HDAC4: variants seen among roughly 807,000 people sequenced by gnomAD.
HDAC4 encodes the protein histone deacetylase 4, also known as histone deacetylase A.
In HDAC4, 16 loss-of-function variants were observed where a neutral mutation model predicts 135.1. The observed-to-expected ratio is 0.12, with a 90% CI of 0.08 to 0.18. The LOEUF is 0.18. HDAC4 is among the 10% of genes least tolerant of loss of function. The probability of loss-of-function intolerance (pLI) is 1.00; values close to 1 mark genes in which losing one functional copy is unlikely to be tolerated. For missense variants in HDAC4, 1,143 were observed against 1,511.8 expected, an observed-to-expected ratio of 0.76 and a Z score of 4.05; for synonymous variants, 685 against 653.4, an observed-to-expected ratio of 1.05 and a Z score of -0.74.
At chr2:239,148,683 C>T (rs1188325545) in intron 7 of HDAC4, among the ~76,000 whole-genome samples, 3 of 152,218 alleles carry the variant, frequency 2.0e-5, no homozygotes, top group South Asian at 2.1e-4. Context: ...GCTCCATGCA[C>T]GACTTCTCCA....
chr2:239,345,793 AC>A (rs544596443), intron 2 of HDAC4, among the ~76,000 whole-genome samples: 106 of 146,196 alleles, frequency 7.3e-4, no homozygotes, highest in African/African-American at 2.7e-3. Flanking sequence ...ACACACATAC[AC>A]ACCCTAACAC....
intron 3 of HDAC4, among the ~76,000 whole-genome samples, chr2:239,190,631 G>C (rs145613201): frequency 6.6e-6 from 1 of 152,192 alleles, no homozygotes; most frequent in Admixed American, 6.5e-5. Flanking sequence ...TTTCCATGGT[G>C]AGACAAGCGC....
chr2:239,199,229 G>A (rs2045601690), intron 3 of HDAC4, among the ~76,000 whole-genome samples: 3 of 152,002 alleles, frequency 2.0e-5, no homozygotes, highest in Admixed American at 6.6e-5. Context: ...AAAGCTGGGT[G>A]CTCACCGAGA....
intron 2 of HDAC4, among the ~76,000 whole-genome samples, chr2:239,268,668 T>A (rs1481389036): frequency 1.3e-5 from 2 of 152,198 alleles, no homozygotes; most frequent in African/African-American, 2.4e-5. Flanking sequence ...ACCCATTTCC[T>A]GTCAGGGACA....
intron 2 of HDAC4, among the ~76,000 whole-genome samples, chr2:239,252,304 C>T (rs981379816): frequency 1.3e-5 from 2 of 152,234 alleles, no homozygotes; most frequent in African/African-American, 2.4e-5. Context: ...TGCCAGGATG[C>T]TCTCCAACCT....
chr2:239,198,422 C>T (rs1259495284), intron 3 of HDAC4, among the ~76,000 whole-genome samples: 1 of 152,174 alleles, frequency 6.6e-6, no homozygotes, highest in Non-Finnish European at 1.5e-5. Flanking sequence ...CATCCTGGGA[C>T]TAGAGGGTGA....
At chr2:239,171,812 T>C (rs1160150703) in intron 5 of HDAC4, among the ~76,000 whole-genome samples, 1 of 152,172 alleles carries the variant, frequency 6.6e-6, no homozygotes, top group East Asian at 1.9e-4. Context: ...TTTCTGGAGA[T>C]TAACAATGGA....
At chr2:239,320,477 A>G (rs2053272562) in intron 2 of HDAC4, among the ~76,000 whole-genome samples, 1 of 152,182 alleles carries the variant, frequency 6.6e-6, no homozygotes, top group South Asian at 2.1e-4. Context: ...CCAGTGACAA[A>G]TGACATAGGT....
chr2:239,396,711 A>G (rs1449481666), intron 1 of HDAC4, among the ~76,000 whole-genome samples: 1 of 152,234 alleles, frequency 6.6e-6, no homozygotes, highest in Non-Finnish European at 1.5e-5. Flanking sequence ...GTCTTTTGCC[A>G]AAGAGATTTT....
intron 7 of HDAC4, among the ~76,000 whole-genome samples, chr2:239,149,975 T>C (rs754092519): frequency 7.9e-5 from 12 of 152,264 alleles, no homozygotes; most frequent in Admixed American, 5.2e-4. Context: ...CCTACAGAAA[T>C]ACTAACACAG....
At chr2:239,054,435 T>C (rs1409202038) in intron 25 of HDAC4, among the ~76,000 whole-genome samples, 2 of 152,086 alleles carry the variant, frequency 1.3e-5, no homozygotes, top group Non-Finnish European at 2.9e-5. Flanking sequence ...CTCACAGCCA[T>C]GGCCCCCGCT....
chr2:239,346,935 C>A lies in HDAC4; in HGVS notation c.22+5743G>T, dbSNP rs142447605. On this transcript the variant is annotated intron_variant, in intron 2 of 26. Transcript: ENST00000543185. ...CACCCTGTCTAAAACACACACACACCCTAACACATACACATTGTGTCTAAA... is the reference window on the plus strand; with the variant it reads ...CACCCTGTCTAAAACACACACACACACTAACACATACACATTGTGTCTAAA... Among the ~76,000 whole-genome samples, 992 of 104,992 alleles carry A rather than the reference C, an allele frequency of 9.4e-3. 4 individuals are homozygous for A. The highest frequency in any genetic ancestry group is 0.019 in the Non-Finnish European group (774 of 41,220). 68.9% of individuals were successfully genotyped at this position (104,992 alleles called of 152,430 possible). A position where few individuals can be genotyped will look rare whatever the true frequency, so the allele number is the denominator to read the frequency against.
rs371198126 is a variant in HDAC4 at position 239,273,596 on chromosome 2, G to A, written c.23-36932C>T. On this transcript the variant is annotated intron_variant, in intron 2 of 26. Coordinates refer to ENST00000543185, the MANE Select transcript of HDAC4 (RefSeq NM_001378414.1). ...GGACCCGCTCATCACCCAGCAGAAC[G>A]CCCACGCCCCCATGCCACAGTCTTG... Among the ~76,000 whole-genome samples, 224 of 152,218 alleles carry A rather than the reference G, an allele frequency of 1.5e-3. 2 individuals are homozygous for A. Among genetic ancestry groups the A allele is most frequent in the African/African-American group, 1.8e-3 (76 of 41,528 alleles).
Position 239,134,404 on chromosome 2 carries a change from G to T in HDAC4, c.1135C>A (p.Pro379Thr). 1.2e-6 allele frequency: 2 copies of T among 1,613,810 alleles called. No homozygotes were observed. The highest frequency in any genetic ancestry group is 1.7e-6 in the Non-Finnish European group (2 of 1,179,924). Residue 379 changes from proline (P) to threonine (T), a missense_variant, in exon 11 of 27, where the codon CCC (proline) becomes ACC (threonine). Physicochemically the swap from Pro to Thr is conservative, Grantham distance 38. This residue lies in a region of HDAC4 where 272 missense variants were observed against 309.7 expected (regional missense o/e 0.88). Transcript: ENST00000543185. The part of the protein sequence containing the change: ...GQQDAERLTL[P>T]ALQQRLSLFP... ...AGGGAGAGCCTCTGCTGGAGGGCGG[G>T]AAGGGTGAGTCTCTCGGCGTCCTGC...
At position 239,306,323 on chromosome 2, in the gene HDAC4, C is replaced by T. The variant is rs2052580205; in HGVS notation, c.22+46355G>A. ...GCCCATCCACAGGTGGGTGAGCTCC[C>T]ACCCAGGTCCAGCAAGTCAGTGACT... On this transcript the variant is annotated intron_variant, in intron 2 of 26. Coordinates refer to ENST00000543185, the MANE Select transcript of HDAC4 (RefSeq NM_001378414.1). The surrounding 1 kb of genome is among the most constrained non-coding windows in gnomAD (Gnocchi z 4.5). 6.6e-6 allele frequency among the ~76,000 whole-genome samples: 1 copy of T among 152,150 alleles called. No homozygotes were observed. Among genetic ancestry groups the T allele is most frequent in the African/African-American group, 2.4e-5 (1 of 41,436 alleles).
At chr2:239,362,506 G>A (rs1195616257) in intron 1 of HDAC4, among the ~76,000 whole-genome samples, 2 of 152,142 alleles carry the variant, frequency 1.3e-5, no homozygotes, top group Admixed American at 1.3e-4. Context: ...AAATGTGACA[G>A]TGTGGGGAGG....
intron 2 of HDAC4, among the ~76,000 whole-genome samples, chr2:239,284,142 C>T (rs1172527282): frequency 6.6e-6 from 1 of 152,252 alleles, no homozygotes; most frequent in Non-Finnish European, 1.5e-5. Context: ...CCATCACAGG[C>T]CGCAGACACA....
chr2:239,280,920 C>T (rs1378260731), intron 2 of HDAC4, among the ~76,000 whole-genome samples: 1 of 147,758 alleles, frequency 6.8e-6, no homozygotes, highest in African/African-American at 2.5e-5. Context: ...ATGTACACAC[C>T]ACTCTCCACA....
intron 2 of HDAC4, among the ~76,000 whole-genome samples, chr2:239,329,753 C>T (rs1179786099): frequency 1.3e-5 from 2 of 152,206 alleles, no homozygotes; most frequent in Non-Finnish European, 2.9e-5. Context: ...TGGATCCCAA[C>T]AGGAGGACAG....
Sources: gnomAD v4.1 joint callset for allele counts (sites outside exome capture counted in the v4.1 genomes callset) on GRCh38, gnomAD v4.1.1 for gene constraint, gnomAD v4.1.1 regional missense constraint, Gnocchi (gnomAD v3.1) non-coding constraint, MANE v1.5 for transcripts, NCBI Gene and HGNC (gene_info 2026-07-23, HGNC 2026-07-21) for gene names.